Variants in INTS1 observed in about 807,000 individuals in gnomAD.
The protein encoded by INTS1 is integrator complex subunit 1.
In INTS1, 137 loss-of-function variants were observed where a neutral mutation model predicts 241.6. That is an observed-to-expected ratio of 0.57 (90% CI 0.49 to 0.65). INTS1 has a LOEUF of 0.65. Among genes scored for constraint, INTS1 ranks in the 30% least tolerant of loss-of-function variants. The pLI is 0.00. For synonymous variants in INTS1, 1,692 were observed against 1,337.8 expected, an observed-to-expected ratio of 1.26 and a Z score of -5.78; for missense variants, 3,073 against 3,032.2, an observed-to-expected ratio of 1.01 and a Z score of -0.32.
chr7:1,485,599 G>A (rs1054884805), intron 22 of INTS1, 130 bp from the exon 23 acceptor site: 3 of 931,400 alleles, frequency 3.2e-6, no homozygotes, highest in Non-Finnish European at 4.7e-6. Flanking sequence ...CCACGGGAGA[G>A]GCCGCAGGTA....
At chr7:1,479,719 GAGGAGA>G (rs763785140) in intron 30 of INTS1, 35 bp from the exon 31 acceptor site, 28 of 1,443,322 alleles carry the variant, frequency 1.9e-5, no homozygotes, top group African/African-American at 4.3e-5. Context: ...GGAGGAAGCG[GAGGAGA>G]AGGAGGAGGA....
intron 43 of INTS1, 77 bp from the exon 44 acceptor site, chr7:1,472,463 C>G: frequency 9.6e-7 from 1 of 1,044,692 alleles, no homozygotes; most frequent in Admixed American, 2.7e-5. Context: ...ACCTGCCCTC[C>G]CGAGAGCACG....
Position 1,474,780 on chromosome 7 carries a change from G to A in INTS1, c.5561C>T (p.Ala1854Val), listed in dbSNP as rs373812497. 208 of 1,580,826 alleles carry A rather than the reference G, an allele frequency of 1.3e-4. No homozygotes were observed. The highest frequency in any genetic ancestry group is 1.7e-4 in the Non-Finnish European group (193 of 1,165,846). ...GGCATCCGCCCCTCGGTTCTCCAAC[G>A]CCCGGGAGTCGCTGGTGTCCGCAAG... The part of the protein sequence containing the change: ...TLLADTSDSR[A>V]LENRGADASM... The change falls in exon 40 of 48, where the codon GCG becomes GTG. Residue 1854 changes from alanine (A) to valine (V), a missense_variant. By Grantham distance (64) the Ala-to-Val change is moderately conservative. Coordinates refer to ENST00000404767, the MANE Select transcript of INTS1 (RefSeq NM_001080453.3).
In INTS1 at chr7:1,498,966, C is replaced by A. The variant is rs1358302569; in HGVS notation, c.1137+9G>T. On this transcript the variant is annotated intron_variant, in intron 8 of 47. Coordinates refer to ENST00000404767, the MANE Select transcript of INTS1 (RefSeq NM_001080453.3). Reference sequence around the variant, plus strand: ...CTGCCCCGCCCACCCCCCCGGGGCGCCCCCGCACCTTGGGGTTCTGCAGCC... The same window carrying A: ...CTGCCCCGCCCACCCCCCCGGGGCGACCCCGCACCTTGGGGTTCTGCAGCC... 6 of 1,468,328 alleles carry A rather than the reference C, an allele frequency of 4.1e-6. No homozygotes were observed. The highest frequency in any genetic ancestry group is 1.4e-5 in the African/African-American group (1 of 70,152). The allele number at this position is 1,468,328 out of a possible 1,614,324, so 91.0% of individuals were successfully genotyped here. A position where few individuals can be genotyped will look rare whatever the true frequency, so the allele number is the denominator to read the frequency against.
At chr7:1,483,587 G>C (rs73040919) in intron 26 of INTS1, 155 bp downstream of exon 26, 28,098 of 686,090 alleles carry the variant, frequency 0.041, 821 homozygotes, top group Non-Finnish European at 0.051. Flanking sequence ...ACGGACTGCA[G>C]CCTCCTCTTT....
chr7:1,498,647 CA>C, intron 9 of INTS1, 59 bp downstream of exon 9: 3 of 1,524,252 alleles, frequency 2.0e-6, no homozygotes, highest in Non-Finnish European at 2.6e-6. Flanking sequence ...GCTCCGCCCA[CA>C]CCCCCACCCA....
rs1405790298 is a variant in INTS1, at chr7:1,476,421, C to T, written c.5186G>A (p.Gly1729Asp). Residue 1729 changes from glycine (G) to aspartate (D), a missense_variant, in exon 38 of 48, where the codon GGC becomes GAC. Transcript: ENST00000404767. Reference sequence around the variant, plus strand: ...CTCCACCAGGCTGATGAGCTCCGGGCCCTGGACCCGCAGCACCAGCTCCTC... The same window carrying T: ...CTCCACCAGGCTGATGAGCTCCGGGTCCTGGACCCGCAGCACCAGCTCCTC... ...RREELVLRVQ[G>D]PELISLVELI... 7.0e-6 allele frequency: 11 copies of T among 1,570,930 alleles called. No individual in the cohort carries two copies. The highest frequency in any genetic ancestry group is 8.6e-6 in the Non-Finnish European group (10 of 1,163,862).
chr7:1,492,611 T>C (rs1038488098), intron 16 of INTS1, among the ~76,000 whole-genome samples: 1 of 124,228 alleles, frequency 8.0e-6, no homozygotes, highest in Admixed American at 7.6e-5. Flanking sequence ...CGTGAATATA[T>C]AGAGCATAAA....
chr7:1,503,942 T>G lies in INTS1; in HGVS notation c.19A>C (p.Thr7Pro). 6.4e-7 allele frequency: 1 copy of G among 1,569,322 alleles called. No individual in the cohort carries two copies. Among genetic ancestry groups the G allele is most frequent in the Non-Finnish European group, 8.6e-7 (1 of 1,158,242 alleles). Residue 7 changes from threonine (T) to proline (P), a missense_variant, in exon 2 of 48, where the codon ACC becomes CCC. By Grantham distance (38) the Thr-to-Pro change is conservative. Transcript: ENST00000404767. ...GCGGCGCTGGGCCGGCGCACCGTGG[T>G]GGGCTTGGCCCGGTTCATCCTGCCC... The part of the protein sequence containing the change: MNRAKP[T>P]TVRRPSAAAK...
intron 30 of INTS1, 78 bp from the exon 31 acceptor site, chr7:1,479,762 T>C: frequency 7.3e-7 from 1 of 1,376,922 alleles, no homozygotes; most frequent in Non-Finnish European, 9.5e-7. Context: ...AAGCGCCCGG[T>C]GCAGCTCCGT....
chr7:1,473,448 C>T, intron 42 of INTS1, 118 bp downstream of exon 42: 1 of 1,306,366 alleles, frequency 7.7e-7, no homozygotes. Context: ...CTCAGCAGCC[C>T]TCCCCGGCCT....
Position 1,493,179 on chromosome 7 carries a change from C to A in INTS1, c.2069-73G>T. The A allele has an allele frequency of 3.0e-6, 4 of 1,323,424 alleles. No homozygotes were observed. Among genetic ancestry groups the A allele is most frequent in the Non-Finnish European group, 4.3e-6 (4 of 924,476 alleles). The allele number at this position is 1,323,424 out of a possible 1,614,324, so 82.0% of individuals were successfully genotyped here. A position where few individuals can be genotyped will look rare whatever the true frequency, so the allele number is the denominator to read the frequency against. ...CAGGCACAGGCAGCGAGGGAACCGG[C>A]CCTGCTCGGGCCGCGTCGGGGTGGG... is the stretch of plus-strand genomic sequence containing the variant. On this transcript the variant is annotated intron_variant, in intron 15 of 47. Transcript: ENST00000404767. This position sits in a 1 kb window ranked among gnomAD's most constrained non-coding sequence, Gnocchi z 5.3.
At chr7:1,499,708 G>C in intron 5 of INTS1, 76 bp from the exon 6 acceptor site, 1 of 1,507,532 alleles carries the variant, frequency 6.6e-7, no homozygotes, top group Non-Finnish European at 8.9e-7. Flanking sequence ...CCTGCTGCCC[G>C]GGGACTGGGT....
In INTS1 at chr7:1,480,985, G is replaced by A. The variant is rs373830422; in HGVS notation, c.3851-52C>T. 98 of 1,346,442 alleles carry A rather than the reference G, an allele frequency of 7.3e-5. No homozygotes were observed. In the African/African-American group the frequency reaches 1.2e-3, roughly 17 times the overall value. 83.4% of individuals were successfully genotyped at this position (1,346,442 alleles called of 1,614,324 possible). On this transcript the variant is annotated intron_variant, in intron 28 of 47. Transcript: ENST00000404767. ...GGGCGCGGCCAGGGGCCAGGGAGCA[G>A]GTCCTTCCCTCTCCACAGAAACCAG... is the stretch of plus-strand genomic sequence containing the variant.
intron 16 of INTS1, among the ~76,000 whole-genome samples, chr7:1,490,062 G>A (rs1236059648): frequency 1.4e-5 from 2 of 141,324 alleles, no homozygotes; most frequent in African/African-American, 2.8e-5. Flanking sequence ...GGCCCCTCGG[G>A]TGAGGAAACG....
rs1363928853 is a variant in INTS1, at chr7:1,498,871, A to G, written c.1138-19T>C. On this transcript the variant is annotated intron_variant, in intron 8 of 47. Coordinates refer to ENST00000404767, the MANE Select transcript of INTS1 (RefSeq NM_001080453.3). ...GGGTCAGCTGCGGGGCCGAGGAGGG[A>G]GCAGTGGGCTCACGGCCACCCCGGC... is the stretch of plus-strand genomic sequence containing the variant. The G allele has an allele frequency of 1.9e-6, 3 of 1,587,688 alleles. No individual in the cohort carries two copies. In the African/African-American group the frequency reaches 4.0e-5, roughly 21 times the overall value.
intron 14 of INTS1, chr7:1,494,398 G>A (rs912995669): frequency 4.9e-5 from 13 of 264,434 alleles, no homozygotes; most frequent in South Asian, 9.8e-5. Flanking sequence ...AAGAACCCAC[G>A]GGGTCACCCA....
In INTS1 at chr7:1,498,424, C is replaced by T. The variant is rs755260533; in HGVS notation, c.1413G>A (p.Glu471=). The part of the protein sequence containing the change: ...VLYTALQHSS[E]LAPKFLAMVF... ...ACCCTGGGCCTACCTTGGGCGCCAG[C>T]TCTGAGCTGTGCTGCAGTGCGGTAT... Residue 471 remains glutamate, a synonymous_variant, in exon 10 of 48, where the codon GAG becomes GAA. Coordinates refer to ENST00000404767, the MANE Select transcript of INTS1 (RefSeq NM_001080453.3). 22 of 1,613,716 alleles carry T rather than the reference C, an allele frequency of 1.4e-5. No homozygotes were observed. The highest frequency in any genetic ancestry group is 1.9e-5 in the Non-Finnish European group (22 of 1,179,860).
At chr7:1,494,033 C>T (rs2128542131) in intron 14 of INTS1, 122 bp from the exon 15 acceptor site, 1 of 1,247,546 alleles carries the variant, frequency 8.0e-7, no homozygotes, top group African/African-American at 1.5e-5. Context: ...CTGCTGCTGC[C>T]TCCCACGAGC....
Sources: gnomAD v4.1 joint callset for allele counts (sites outside exome capture counted in the v4.1 genomes callset) on GRCh38, gnomAD v4.1.1 for gene constraint, Gnocchi (gnomAD v3.1) non-coding constraint, MANE v1.5 for transcripts, NCBI Gene and HGNC (gene_info 2026-07-23, HGNC 2026-07-21) for gene names.